The following ANKDD1A variants were observed in gnomAD, a reference collection of about 807,000 sequenced individuals.
ANKDD1A encodes the protein ankyrin repeat and death domain-containing protein 1A.
A neutral mutation model predicts 63.5 loss-of-function variants in ANKDD1A; 59 were observed. That is an observed-to-expected ratio of 0.93 (90% CI 0.75 to 1.15). ANKDD1A has a LOEUF of 1.15. Among genes scored for constraint, ANKDD1A ranks in the 50% most tolerant of loss-of-function variants. The pLI is 0.00. For synonymous variants in ANKDD1A, 266 were observed against 263.9 expected, an observed-to-expected ratio of 1.01 and a Z score of -0.08; for missense variants, 632 against 656.4, an observed-to-expected ratio of 0.96 and a Z score of 0.41.
chr15:64,912,777 T>C (rs1406455680), intron 1 of ANKDD1A, among the ~76,000 whole-genome samples: 1 of 152,224 alleles, frequency 6.6e-6, no homozygotes, highest in Non-Finnish European at 1.5e-5. Flanking sequence ...TTGAGACCTA[T>C]AGTGTCCAAA....
intron 9 of ANKDD1A, 100 bp downstream of exon 9, chr15:64,934,334 G>C: frequency 8.8e-7 from 1 of 1,135,484 alleles, no homozygotes; most frequent in Non-Finnish European, 1.3e-6. Context: ...GATCCTTGGG[G>C]TTGGGGTGCG....
rs2085254100 is a variant in ANKDD1A, at chr15:64,949,722, G to A, written c.1352-119G>A. On this transcript the variant is annotated intron_variant, in intron 13 of 14. Coordinates refer to ENST00000319580, the MANE Select transcript of ANKDD1A (RefSeq NM_182703.6). ...ATGGAGAAGGGCCTTGGAGGCTTTT[G>A]GCCTCTTTCCCACCTGGGCATGTTC... 5 of 1,445,062 alleles carry A rather than the reference G, an allele frequency of 3.5e-6. No homozygotes were observed. In the South Asian group the frequency reaches 6.5e-5, roughly 19 times the overall value. The allele number at this position is 1,445,062 out of a possible 1,614,324, so 89.5% of individuals were successfully genotyped here. A position where few individuals can be genotyped will look rare whatever the true frequency, so the allele number is the denominator to read the frequency against.
At position 64,954,723 on chromosome 15, in the gene ANKDD1A, TCCTC is replaced by T. The variant is rs773728394; in HGVS notation, c.1484-2378_1484-2375del. On this transcript the variant is annotated intron_variant, in intron 14 of 14. Coordinates refer to ENST00000319580, the MANE Select transcript of ANKDD1A (RefSeq NM_182703.6). The stretch of plus-strand genomic sequence containing the variant: ...CTTCTCCTTCTTCTTCTCCTTCTCC[TCCTC>T]CTTCTTCTTCCTTCTCCTTCTTCTT... 2.0e-5 allele frequency among the ~76,000 whole-genome samples: 2 copies of T among 98,734 alleles called. 1 individual carries two copies. Among genetic ancestry groups the T allele is most frequent in the South Asian group, 8.5e-4 (2 of 2,342 alleles). 64.8% of individuals were successfully genotyped at this position (98,734 alleles called of 152,430 possible).
intron 14 of ANKDD1A, among the ~76,000 whole-genome samples, chr15:64,954,524 CCTT>C (rs1405734407): frequency 7.0e-5 from 3 of 42,646 alleles, no homozygotes; most frequent in South Asian, 1.3e-3. Context: ...TCTTTCTTCT[CCTT>C]CTTCCTCCTT....
chr15:64,944,642 T>C lies in ANKDD1A; in HGVS notation c.1066-10T>C, dbSNP rs759677511. 1.9e-6 allele frequency: 3 copies of C among 1,613,452 alleles called. No individual in the cohort carries two copies. The highest frequency in any genetic ancestry group is 2.5e-6 in the Non-Finnish European group (3 of 1,179,680). The stretch of plus-strand genomic sequence containing the variant: ...AAACTCTGGCTTCTCTTCTTGCCTC[T>C]TAATTGCAGCAGGGAAAAACCGCCC... On this transcript the variant is annotated splice_polypyrimidine_tract_variant and intron_variant, in intron 11 of 14. Coordinates refer to ENST00000319580, the MANE Select transcript of ANKDD1A (RefSeq NM_182703.6).
chr15:64,923,141 T>G (rs1595847704), intron 4 of ANKDD1A, among the ~76,000 whole-genome samples: 1 of 152,166 alleles, frequency 6.6e-6, no homozygotes, highest in East Asian at 1.9e-4. Context: ...CTAGAACCTC[T>G]GAACCCCCAC....
chr15:64,951,233 G>A (rs1049514109), intron 14 of ANKDD1A: 35 of 987,510 alleles, frequency 3.5e-5, no homozygotes, highest in Admixed American at 1.2e-4. Context: ...CCGTCCAACA[G>A]GTATGGTCCT....
intron 14 of ANKDD1A, among the ~76,000 whole-genome samples, chr15:64,954,019 CTCTTCTTTTCTTTCTTCTTCCTCT>C (rs1478872357): frequency 3.2e-5 from 2 of 63,006 alleles, no homozygotes; most frequent in African/African-American, 1.1e-4. Context: ...TCCTTCTTTC[CTCTTCTTTTCTTTCTTCTTCCTCT>C]TCTTCTTTTC....
intron 9 of ANKDD1A, among the ~76,000 whole-genome samples, chr15:64,937,654 G>C (rs1048244938): frequency 1.3e-5 from 2 of 152,154 alleles, no homozygotes; most frequent in Non-Finnish European, 2.9e-5. Context: ...CTTGAACTCA[G>C]GAAGCAGAGG....
Position 64,952,466 on chromosome 15 carries a change from TTCCTTC to T in ANKDD1A, c.1483+2502_1483+2507del, listed in dbSNP as rs1217502383. On this transcript the variant is annotated intron_variant, in intron 14 of 14. Coordinates refer to ENST00000319580, the MANE Select transcript of ANKDD1A (RefSeq NM_182703.6). ...TTCTTCTTCTTAGTTCTTCTCCTTC[TTCCTTC>T]TCCTTCTTCTTCCTTCGTCACCGTC... 1.3e-4 allele frequency among the ~76,000 whole-genome samples: 19 copies of T among 150,000 alleles called. 1 individual carries two copies. Among genetic ancestry groups the T allele is most frequent in the Admixed American group, 1.3e-3 (19 of 15,152 alleles).
intron 14 of ANKDD1A, among the ~76,000 whole-genome samples, chr15:64,952,077 T>C (rs560006435): frequency 5.3e-4 from 2 of 3,784 alleles, no homozygotes; most frequent in Admixed American, 2.7e-3. Context: ...TTTCTTCTTC[T>C]TCCTTCTTTT....
Position 64,949,929 on chromosome 15 carries a change from G to C in ANKDD1A, c.1440G>C (p.Ala480=). Residue 480 remains alanine, a synonymous_variant, in exon 14 of 15, where the codon GCG becomes GCC. Coordinates refer to ENST00000319580, the MANE Select transcript of ANKDD1A (RefSeq NM_182703.6). ...VATAGENPSK[A]LFEGLVAIGR... ...CGGCTGGTGAGAACCCCAGCAAAGC[G>C]CTGTTCGAGGGCCTCGTGGCCATTG... is the stretch of plus-strand genomic sequence containing the variant. 6.2e-7 allele frequency: 1 copy of C among 1,609,588 alleles called. No homozygotes were observed. The highest frequency in any genetic ancestry group is 8.5e-7 in the Non-Finnish European group (1 of 1,179,986).
intron 4 of ANKDD1A, 77 bp from the exon 5 acceptor site, chr15:64,925,989 G>T: frequency 7.6e-7 from 1 of 1,320,696 alleles, no homozygotes; most frequent in Non-Finnish European, 1.1e-6. Context: ...CCAAACACTC[G>T]CTGTTTGGGA....
At position 64,953,925 on chromosome 15, in the gene ANKDD1A, T is replaced by C. The variant is rs2085366012; in HGVS notation, c.1484-3178T>C. ...TCTTCCCTCTTCTTTCTTCTCTTTT[T>C]CTTTTTTCTTTTCTTCCTCTTCTTC... On this transcript the variant is annotated intron_variant, in intron 14 of 14. Transcript: ENST00000319580. Among the ~76,000 whole-genome samples the C allele has an allele frequency of 3.4e-4, 3 of 8,740 alleles. No individual in the cohort carries two copies. The South Asian group carries it at 0.019, about 54-fold the overall frequency. The allele number at this position is 8,740 out of a possible 152,430, so 5.7% of individuals were successfully genotyped here.
At chr15:64,950,057 A>G (rs1177045059) in intron 14 of ANKDD1A, 85 bp downstream of exon 14, 4 of 1,564,754 alleles carry the variant, frequency 2.6e-6, no homozygotes. Flanking sequence ...GGCTGCTCAG[A>G]CAAGAATGCT....
chr15:64,925,888 C>G (rs1329438340), intron 4 of ANKDD1A, among the ~76,000 whole-genome samples, 178 bp from the exon 5 acceptor site: 2 of 152,104 alleles, frequency 1.3e-5, no homozygotes, highest in Non-Finnish European at 2.9e-5. Flanking sequence ...TGCCAGCCCC[C>G]CTAAGGCTAA....
Position 64,931,589 on chromosome 15 carries a change from G to A in ANKDD1A, c.768+4G>A, listed in dbSNP as rs1044217562. On this transcript the variant is annotated splice_donor_region_variant and intron_variant, in intron 8 of 14. Coordinates refer to ENST00000319580, the MANE Select transcript of ANKDD1A (RefSeq NM_182703.6). ...CACCGTGAATGCCCTCACCCAGGTA[G>A]CCAGGCCCTCCCAAGACTGCGGTCG... 1 of 1,613,720 alleles carries A rather than the reference G, an allele frequency of 6.2e-7. No homozygotes were observed. The highest frequency in any genetic ancestry group is 8.5e-7 in the Non-Finnish European group (1 of 1,180,018).
chr15:64,937,663 G>A (rs1595852911), intron 9 of ANKDD1A, among the ~76,000 whole-genome samples: 1 of 152,228 alleles, frequency 6.6e-6, no homozygotes, highest in Middle Eastern at 3.4e-3. Context: ...AGGAAGCAGA[G>A]GTTGCAGTGA....
intron 12 of ANKDD1A, among the ~76,000 whole-genome samples, chr15:64,944,984 G>GAC (rs907405379): frequency 6.6e-5 from 10 of 152,244 alleles, no homozygotes; most frequent in Non-Finnish European, 1.0e-4. Context: ...GATACTGCTG[G>GAC]ACACTGCTGT....
Sources: gnomAD v4.1 joint callset for allele counts (sites outside exome capture counted in the v4.1 genomes callset) on GRCh38, gnomAD v4.1.1 for gene constraint, MANE v1.5 for transcripts, NCBI Gene and HGNC (gene_info 2026-07-23, HGNC 2026-07-21) for gene names.